TMEM87A: variants seen among roughly 807,000 people sequenced by gnomAD.
The protein encoded by TMEM87A is Golgi-pH regulating cation channel.
In TMEM87A, 50 loss-of-function variants were observed where a neutral mutation model predicts 90.0. That is an observed-to-expected ratio of 0.56 (90% CI 0.44 to 0.70). TMEM87A has a LOEUF of 0.70. TMEM87A is among the 30% of genes least tolerant of loss of function. The probability of loss-of-function intolerance (pLI) is 0.00; values close to 1 mark genes in which losing one functional copy is unlikely to be tolerated. For missense variants in TMEM87A, 577 were observed against 660.5 expected (o/e 0.87, Z 1.39); for synonymous variants, 226 against 226.7 (o/e 1.00, Z 0.03).
At chr15:42,232,766 T>C (rs1435897888) in intron 11 of TMEM87A, 1 of 152,848 alleles carries the variant, frequency 6.5e-6, no homozygotes, top group African/African-American at 2.4e-5. Context: ...ACAGGCATGA[T>C]TACACACCCA....
intron 14 of TMEM87A, among the ~76,000 whole-genome samples, chr15:42,227,424 T>C (rs1402461682): frequency 6.6e-6 from 1 of 152,160 alleles, no homozygotes; most frequent in East Asian, 1.9e-4. Flanking sequence ...CTTCTTAAGA[T>C]TTTTAGTTAA....
chr15:42,263,491 T>TC (rs2140983112), intron 4 of TMEM87A, among the ~76,000 whole-genome samples: 1 of 152,288 alleles, frequency 6.6e-6, no homozygotes, highest in East Asian at 1.9e-4. Flanking sequence ...ACACCTGTAA[T>TC]CCCAGCATTT....
intron 6 of TMEM87A, among the ~76,000 whole-genome samples, chr15:42,255,535 T>C (rs1332549282): frequency 1.3e-5 from 2 of 151,928 alleles, no homozygotes; most frequent in Non-Finnish European, 2.9e-5. Flanking sequence ...AGTGCTGCAA[T>C]TACAGGCATA....
At chr15:42,224,140 G>A (rs1249051963) in intron 15 of TMEM87A, among the ~76,000 whole-genome samples, 1 of 152,180 alleles carries the variant, frequency 6.6e-6, no homozygotes, top group African/African-American at 2.4e-5. Flanking sequence ...TAACAGTATG[G>A]TTTATGATAG....
At chr15:42,268,125 C>A in intron 2 of TMEM87A, 93 bp from the exon 3 acceptor site, 1 of 930,484 alleles carries the variant, frequency 1.1e-6, no homozygotes, top group Non-Finnish European at 1.6e-6. Context: ...ATTTCGTACC[C>A]TAAACTGAGA....
chr15:42,215,481 G>T (rs1394268084), intron 19 of TMEM87A, among the ~76,000 whole-genome samples: 5 of 152,182 alleles, frequency 3.3e-5, no homozygotes, highest in African/African-American at 1.2e-4. Context: ...CTGAAATGTG[G>T]CATAGGACTG....
At chr15:42,258,238 G>A in intron 6 of TMEM87A, 1 of 855,784 alleles carries the variant, frequency 1.2e-6, no homozygotes, top group Non-Finnish European at 1.4e-6. Flanking sequence ...ACAAAAAAAA[G>A]TCATATAATA....
chr15:42,273,154 C>G (rs879023074), intron 1 of TMEM87A, 101 bp downstream of exon 1: 2 of 1,476,916 alleles, frequency 1.4e-6, no homozygotes, highest in Admixed American at 1.9e-5. Context: ...AACCCCACCC[C>G]TTTTGAAGAG....
chr15:42,229,374 A>G (rs2050649107), intron 12 of TMEM87A, among the ~76,000 whole-genome samples: 1 of 152,094 alleles, frequency 6.6e-6, no homozygotes, highest in Non-Finnish European at 1.5e-5. Flanking sequence ...GTACAAAATC[A>G]CAAGAGAAAA....
chr15:42,242,084 A>G (rs555088768), intron 7 of TMEM87A, among the ~76,000 whole-genome samples: 5 of 151,666 alleles, frequency 3.3e-5, no homozygotes, highest in African/African-American at 9.6e-5. Context: ...AAAAGAAAAA[A>G]AAAAAGAAAA....
intron 17 of TMEM87A, 37 bp downstream of exon 17, chr15:42,219,544 G>T: frequency 6.6e-7 from 1 of 1,520,964 alleles, no homozygotes; most frequent in Non-Finnish European, 9.0e-7. Context: ...TGGAAGATGG[G>T]ACAAAGAACA....
At chr15:42,227,656 C>CAGTGTTTATAAGTTTATAA in intron 14 of TMEM87A, 55 bp downstream of exon 14, 1 of 1,504,332 alleles carries the variant, frequency 6.6e-7, no homozygotes, top group Non-Finnish European at 9.2e-7. Flanking sequence ...CTGTCATCAA[C>CAGTGTTTATAAGTTTATAA]ACCATCAGTT....
chr15:42,236,494 G>T, intron 9 of TMEM87A, 75 bp from the exon 10 acceptor site: 2 of 1,175,278 alleles, frequency 1.7e-6, no homozygotes, highest in Non-Finnish European at 2.6e-6. Flanking sequence ...CTAGACTGCT[G>T]CTTTCTACAC....
At chr15:42,265,508 T>C (rs1255212973) in intron 3 of TMEM87A, among the ~76,000 whole-genome samples, 1 of 152,214 alleles carries the variant, frequency 6.6e-6, no homozygotes, top group Non-Finnish European at 1.5e-5. Context: ...TATCTTCTTT[T>C]GAAAAGTGTC....
chr15:42,243,956 G>C, intron 7 of TMEM87A, 94 bp downstream of exon 7: 1 of 655,266 alleles, frequency 1.5e-6, no homozygotes, highest in Non-Finnish European at 2.4e-6. Flanking sequence ...ATAGAAATCT[G>C]ATACCTGTAA....
chr15:42,236,366 C>A lies in TMEM87A; in HGVS notation c.922G>T (p.Ala308Ser). The A allele has an allele frequency of 6.2e-7, 1 of 1,614,090 alleles. No individual in the cohort carries two copies. The highest frequency in any genetic ancestry group is 1.1e-5 in the South Asian group (1 of 91,086). Residue 308 changes from alanine to serine, a missense_variant, in exon 10 of 20, where the codon GCT becomes TCT. Coordinates refer to ENST00000389834, the MANE Select transcript of TMEM87A (RefSeq NM_015497.5). The part of the protein sequence containing the change: ...ELLSAVKRSL[A>S]RTLVIIVSLG... The stretch of plus-strand genomic sequence containing the variant: ...CTGACTATGATGACCAGGGTTCGAG[C>A]CAGTGAGCGTTTCACTGCTGAAAGC...
intron 2 of TMEM87A, among the ~76,000 whole-genome samples, chr15:42,269,685 C>T (rs1463622022): frequency 6.6e-6 from 1 of 151,958 alleles, no homozygotes; most frequent in Non-Finnish European, 1.5e-5. Context: ...GCCTGTAATC[C>T]CAGCACTTTG....
chr15:42,222,250 G>A (rs1277177440), intron 15 of TMEM87A, among the ~76,000 whole-genome samples: 1 of 152,090 alleles, frequency 6.6e-6, no homozygotes, highest in African/African-American at 2.4e-5. Context: ...TAGAGACGGG[G>A]TTTTTCTAGT....
Position 42,231,319 on chromosome 15 carries a change from AACC to A in TMEM87A, c.1063-62_1063-60del, listed in dbSNP as rs1415504880. On this transcript the variant is annotated intron_variant, in intron 11 of 19. Coordinates refer to ENST00000389834, the MANE Select transcript of TMEM87A (RefSeq NM_015497.5). ...GATGTCTAGAGAGGCACAGAGAAGA[AACC>A]ACCACATGATTCTGCATTTACATAA... 5.1e-6 allele frequency: 7 copies of A among 1,380,592 alleles called. No individual in the cohort carries two copies. The Admixed American group carries it at 1.8e-4, about 36-fold the overall frequency. 85.5% of individuals were successfully genotyped at this position (1,380,592 alleles called of 1,614,324 possible).
Sources: allele counts gnomAD v4.1 joint callset (sites outside exome capture counted in the v4.1 genomes callset), GRCh38; gene constraint gnomAD v4.1.1; transcripts MANE v1.5; gene names NCBI Gene and HGNC (gene_info 2026-07-23, HGNC 2026-07-21).